EPB41L3: variants seen among roughly 807,000 people sequenced by gnomAD.
The protein encoded by EPB41L3 is band 4.1-like protein 3.
Under a neutral mutation model 127.1 loss-of-function variants are expected in EPB41L3, and 57 were observed. That is an observed-to-expected ratio of 0.45 (90% CI 0.36 to 0.56). The LOEUF (loss-of-function observed/expected upper bound fraction) is 0.56, where lower values mean the gene tolerates loss of function less well. Among genes scored for constraint, EPB41L3 ranks in the 20% least tolerant of loss-of-function variants. The pLI, the probability that EPB41L3 is intolerant of heterozygous loss-of-function variation, is 0.00. For synonymous variants in EPB41L3, 572 were observed against 549.5 expected, an observed-to-expected ratio of 1.04 and a Z score of -0.57; for missense variants, 1,273 against 1,372.2, an observed-to-expected ratio of 0.93 and a Z score of 1.14.
chr18:5,513,053 G>A (rs2092606017), intron 1 of EPB41L3, among the ~76,000 whole-genome samples: 2 of 152,202 alleles, frequency 1.3e-5, no homozygotes, highest in Admixed American at 6.5e-5. Flanking sequence ...TTCGATCCCT[G>A]TGGTTAGGGA....
Position 5,489,152 on chromosome 18 carries a change from G to T in EPB41L3, c.32C>A (p.Ser11Tyr). 6.3e-7 allele frequency: 1 copy of T among 1,596,802 alleles called. No homozygotes were observed. MTTESGSDSESKPDQEAEPQE... is the reference protein window; with the variant it reads MTTESGSDSEYKPDQEAEPQE... ...GGGCTCGGCCTCCTGGTCCGGCTTG[G>T]ATTCCGAGTCTGATCCAGATTCGGT... Residue 11 changes from serine (S) to tyrosine (Y), a missense_variant, in exon 2 of 23, where the codon TCC becomes TAC. Around this residue, in one of 3 missense-constraint regions of EPB41L3, gnomAD observed 182 missense variants for 149.2 expected, o/e 1.22. Coordinates refer to ENST00000341928, the MANE Select transcript of EPB41L3 (RefSeq NM_012307.5).
chr18:5,537,074 C>A (rs1251023962), intron 1 of EPB41L3, among the ~76,000 whole-genome samples: 1 of 152,090 alleles, frequency 6.6e-6, no homozygotes, highest in Non-Finnish European at 1.5e-5. Flanking sequence ...TATAAACGAG[C>A]AAACAGGCTC....
chr18:5,623,616 G>T (rs1168110922), intron 1 of EPB41L3, among the ~76,000 whole-genome samples: 2 of 151,238 alleles, frequency 1.3e-5, no homozygotes, highest in Admixed American at 6.6e-5. Flanking sequence ...CAAATATATA[G>T]TATACACATG....
intron 11 of EPB41L3, among the ~76,000 whole-genome samples, chr18:5,421,293 T>A (rs1213682351): frequency 6.7e-6 from 1 of 150,336 alleles, no homozygotes; most frequent in East Asian, 1.9e-4. Flanking sequence ...CTGAACAAAG[T>A]GGATGATATT....
chr18:5,581,020 G>A (rs938329324), intron 3 of EPB41L3, among the ~76,000 whole-genome samples: 1 of 152,168 alleles, frequency 6.6e-6, no homozygotes, highest in Non-Finnish European at 1.5e-5. Flanking sequence ...GTGACTCTCT[G>A]AGGGTCTGTG....
chr18:5,603,798 G>T (rs1303526310), intron 3 of EPB41L3, among the ~76,000 whole-genome samples: 1 of 152,028 alleles, frequency 6.6e-6, no homozygotes, highest in Non-Finnish European at 1.5e-5. Flanking sequence ...GGAGGCTGAG[G>T]CTGCAGTGAA....
chr18:5,553,906 C>A (rs2093998847), intron 3 of EPB41L3, among the ~76,000 whole-genome samples: 1 of 152,212 alleles, frequency 6.6e-6, no homozygotes, highest in African/African-American at 2.4e-5. Flanking sequence ...CCCCAACCAG[C>A]CCCACCGTTC....
At chr18:5,445,488 C>T (rs145585230) in intron 3 of EPB41L3, among the ~76,000 whole-genome samples, 32 of 152,262 alleles carry the variant, frequency 2.1e-4, no homozygotes, top group African/African-American at 7.5e-4. Flanking sequence ...GTATCAACAG[C>T]GCTACTTAGT....
At chr18:5,540,869 G>C (rs1476418644) in intron 1 of EPB41L3, among the ~76,000 whole-genome samples, 1 of 152,022 alleles carries the variant, frequency 6.6e-6, no homozygotes, top group Non-Finnish European at 1.5e-5. Flanking sequence ...TGGATCACGA[G>C]GTCAGGAGAT....
chr18:5,476,039 A>C (rs1389948119), intron 3 of EPB41L3, among the ~76,000 whole-genome samples: 1 of 152,106 alleles, frequency 6.6e-6, no homozygotes, highest in African/African-American at 2.4e-5. Flanking sequence ...CGCAAGAGCC[A>C]TTGTAACATG....
At chr18:5,589,358 G>T (rs1383508437) in intron 3 of EPB41L3, among the ~76,000 whole-genome samples, 1 of 151,626 alleles carries the variant, frequency 6.6e-6, no homozygotes, top group East Asian at 1.9e-4. Flanking sequence ...GATGATTAAG[G>T]ATGGTATTTG....
chr18:5,502,125 T>C lies in EPB41L3; in HGVS notation c.-11-12931A>G, dbSNP rs551156919. Among the ~76,000 whole-genome samples the C allele has an allele frequency of 2.6e-5, 4 of 152,354 alleles. No homozygotes were observed. The South Asian group carries it at 8.3e-4, about 32-fold the overall frequency. ...CTGTGGTTGGGGCTGCCTTCTGATA[T>C]TCTGACTACGGGAGTTGAATGTCCC... On this transcript the variant is annotated intron_variant, in intron 1 of 22. Coordinates refer to ENST00000341928, the MANE Select transcript of EPB41L3 (RefSeq NM_012307.5).
At chr18:5,425,728 G>A (rs2078082924) in intron 9 of EPB41L3, among the ~76,000 whole-genome samples, 1 of 152,092 alleles carries the variant, frequency 6.6e-6, no homozygotes. Flanking sequence ...GATTGTAAAA[G>A]CAGAGAGAAG....
intron 3 of EPB41L3, among the ~76,000 whole-genome samples, chr18:5,608,353 A>T (rs182555438): frequency 8.7e-4 from 132 of 152,308 alleles, no homozygotes; most frequent in African/African-American, 3.1e-3. Flanking sequence ...CATGCAAAAA[A>T]ACAAATAAGA....
At chr18:5,478,185 C>G in intron 3 of EPB41L3, 56 bp downstream of exon 3, 1 of 1,504,176 alleles carries the variant, frequency 6.6e-7, no homozygotes, top group South Asian at 1.2e-5. Flanking sequence ...TATTTTATAC[C>G]AACATTCCCC....
At chr18:5,470,541 T>C (rs979294112) in intron 3 of EPB41L3, among the ~76,000 whole-genome samples, 2 of 152,234 alleles carry the variant, frequency 1.3e-5, no homozygotes, top group African/African-American at 2.4e-5. Flanking sequence ...AATGCACAAA[T>C]TGATCAATGC....
At chr18:5,533,584 C>G (rs557897695) in intron 1 of EPB41L3, among the ~76,000 whole-genome samples, 2 of 152,254 alleles carry the variant, frequency 1.3e-5, no homozygotes, top group South Asian at 4.2e-4. Flanking sequence ...CCACATAGCT[C>G]AGTATGATTT....
At chr18:5,470,599 C>T (rs568571857) in intron 3 of EPB41L3, among the ~76,000 whole-genome samples, 1 of 152,284 alleles carries the variant, frequency 6.6e-6, no homozygotes, top group African/African-American at 2.4e-5. Flanking sequence ...GAGGCAAAGG[C>T]TTAAGGTTAG....
intron 6 of EPB41L3, among the ~76,000 whole-genome samples, chr18:5,434,972 G>C (rs557860231): frequency 3.2e-4 from 48 of 152,302 alleles, no homozygotes; most frequent in African/African-American, 1.2e-3. Flanking sequence ...TGTGTAGGCG[G>C]TGACAGTGAT....
Sources: gnomAD v4.1 joint callset for allele counts (sites outside exome capture counted in the v4.1 genomes callset) on GRCh38, gnomAD v4.1.1 for gene constraint, gnomAD v4.1.1 regional missense constraint, MANE v1.5 for transcripts, NCBI Gene and HGNC (gene_info 2026-07-23, HGNC 2026-07-21) for gene names.